Variants in FCHO1 observed in about 807,000 individuals in gnomAD.
FCHO1 encodes the protein FCH and mu domain containing endocytic adaptor 1.
Under a neutral mutation model 114.4 loss-of-function variants are expected in FCHO1, and 45 were observed. The ratio of observed to expected loss-of-function variants is 0.39; its 90% CI spans 0.31 to 0.50. The LOEUF (loss-of-function observed/expected upper bound fraction) is 0.50, where lower values mean the gene tolerates loss of function less well. Among genes scored for constraint, FCHO1 ranks in the 20% least tolerant of loss-of-function variants. FCHO1 has a pLI of 0.77. For missense variants in FCHO1, 1,042 were observed against 1,209.6 expected (o/e 0.86, Z 2.06); for synonymous variants, 480 against 488.9 (o/e 0.98, Z 0.24).
chr19:17,761,715 CA>C (rs1378578062), intron 4 of FCHO1, among the ~76,000 whole-genome samples: 2 of 151,420 alleles, frequency 1.3e-5, no homozygotes, highest in Admixed American at 6.6e-5. Flanking sequence ...AGCTGGAGTG[CA>C]ATGGCGTGAT....
intron 4 of FCHO1, among the ~76,000 whole-genome samples, chr19:17,758,497 C>T (rs1393478078): frequency 6.6e-6 from 1 of 152,140 alleles, no homozygotes; most frequent in Non-Finnish European, 1.5e-5. Flanking sequence ...GCAGCAATTC[C>T]AGGCCATGGA....
In FCHO1 at chr19:17,776,801, T is replaced by TTTTTTG. The variant is rs368642990; in HGVS notation, c.1259+132_1259+137dup. ...CTGGGAGTTGACGTCATGCTGGGGTTTTTTTGTTTTTGTTTTTGTTTTGAG... is the reference window on the plus strand; with the variant it reads ...CTGGGAGTTGACGTCATGCTGGGGTTTTTTTGTTTTTGTTTTTGTTTTTGTTTTGAG... On this transcript the variant is annotated intron_variant, in intron 18 of 28. Transcript: ENST00000596536. This position sits in a 1 kb window ranked among gnomAD's most constrained non-coding sequence, Gnocchi z 4.4. 13 of 1,026,974 alleles carry TTTTTTG rather than the reference T, an allele frequency of 1.3e-5. No individual in the cohort carries two copies. The highest frequency in any genetic ancestry group is 5.2e-5 in the Admixed American group (2 of 38,486). 63.6% of individuals were successfully genotyped at this position (1,026,974 alleles called of 1,614,324 possible). A position where few individuals can be genotyped will look rare whatever the true frequency, so the allele number is the denominator to read the frequency against.
intron 21 of FCHO1, 32 bp downstream of exon 21, chr19:17,781,375 G>A (rs1046031611): frequency 3.7e-6 from 6 of 1,607,700 alleles, no homozygotes; most frequent in Non-Finnish European, 5.1e-6. Flanking sequence ...GAGCTGGACT[G>A]GGGGTCGCGT....
intron 3 of FCHO1, 160 bp from the exon 4 acceptor site, chr19:17,754,958 A>C: frequency 3.2e-6 from 2 of 618,194 alleles, no homozygotes; most frequent in Non-Finnish European, 5.9e-6. Context: ...TGGGACCAGC[A>C]CTGGGGCTGA....
Position 17,781,505 on chromosome 19 carries a change from G to A in FCHO1, c.1794G>A (p.Leu598=), listed in dbSNP as rs767405117. The A allele has an allele frequency of 6.2e-7, 1 of 1,614,038 alleles. No homozygotes were observed. Among genetic ancestry groups the A allele is most frequent in the East Asian group, 2.2e-5 (1 of 44,870 alleles). The change falls in exon 22 of 29, where the codon TTG becomes TTA. Residue 598 remains leucine (L), a synonymous_variant. Coordinates refer to ENST00000596536, the MANE Select transcript of FCHO1 (RefSeq NM_015122.3). ...GCTCTTCAGCCGCCAGCACTGCCTT[G>A]GAACGGCCCAGCTTCTTATCCCAGA... ...PLGSSAASTA[L]ERPSFLSQTG... is the part of the protein sequence containing the mutation.
At chr19:17,778,926 G>C in intron 20 of FCHO1, 42 bp downstream of exon 20, 1 of 1,486,788 alleles carries the variant, frequency 6.7e-7, no homozygotes, top group Non-Finnish European at 8.9e-7. Context: ...CTGGAACCCT[G>C]GGCGGGGGAT....
At chr19:17,754,509 T>C in intron 2 of FCHO1, 83 bp from the exon 3 acceptor site, 1 of 154,328 alleles carries the variant, frequency 6.5e-6, no homozygotes, top group Non-Finnish European at 1.4e-5. Flanking sequence ...CAGGGGACCC[T>C]CAGGGATACT....
upstream of FCHO1, among the ~76,000 whole-genome samples, chr19:17,749,007 G>T (rs1057249510): frequency 4.1e-4 from 62 of 152,172 alleles, 1 homozygote; most frequent in African/African-American, 1.4e-3. Flanking sequence ...TGATATTGGG[G>T]CTGAGGGCAT....
At chr19:17,760,733 T>G (rs1401238037) in intron 4 of FCHO1, among the ~76,000 whole-genome samples, 1 of 152,124 alleles carries the variant, frequency 6.6e-6, no homozygotes, top group Non-Finnish European at 1.5e-5. Context: ...CATTGTAACC[T>G]CCGCCTCCCG....
At position 17,784,044 on chromosome 19, in the gene FCHO1, C is replaced by T; in HGVS notation, c.2094-59C>T. On this transcript the variant is annotated intron_variant, in intron 24 of 28. Coordinates refer to ENST00000596536, the MANE Select transcript of FCHO1 (RefSeq NM_015122.3). This position sits in a 1 kb window ranked among gnomAD's most constrained non-coding sequence, Gnocchi z 5.3. ...TCTTTAGGAAGGGGTAGATTGAATG[C>T]TGGGAGCCCTGGGAGGGCATGTCCC... 1.9e-6 allele frequency: 3 copies of T among 1,572,530 alleles called. No individual in the cohort carries two copies. The highest frequency in any genetic ancestry group is 2.6e-6 in the Non-Finnish European group (3 of 1,152,012).
At position 17,776,444 on chromosome 19, in the gene FCHO1, G is replaced by C. The variant is rs1346336087; in HGVS notation, c.1207+173G>C. ...TTATGAAATTAAGTGAGAGCTGAAA[G>C]GGGTAGCTGGGGCCAGGAGAAGCTA... On this transcript the variant is annotated intron_variant, in intron 17 of 28. Transcript: ENST00000596536. The surrounding 1 kb of genome is among the most constrained non-coding windows in gnomAD (Gnocchi z 4.4). Among the ~76,000 whole-genome samples the C allele has an allele frequency of 6.6e-6, 1 of 152,212 alleles. No individual in the cohort carries two copies. Among genetic ancestry groups the C allele is most frequent in the Non-Finnish European group, 1.5e-5 (1 of 68,034 alleles).
At chr19:17,751,141 T>C (rs1195460857), upstream of FCHO1, among the ~76,000 whole-genome samples, 2 of 152,168 alleles carry the variant, frequency 1.3e-5, no homozygotes, top group Non-Finnish European at 2.9e-5. The surrounding 1 kb of genome is among the most constrained non-coding windows in gnomAD (Gnocchi z 4.4). Context: ...CGCCTGGCCA[T>C]GTCTTCCCCT....
chr19:17,766,908 C>T, intron 7 of FCHO1, 98 bp downstream of exon 7: 1 of 1,275,424 alleles, frequency 7.8e-7, no homozygotes. Flanking sequence ...CTGCGGATGT[C>T]CGCCTCCGAG....
At chr19:17,779,073 G>T (rs2093034014) in intron 20 of FCHO1, among the ~76,000 whole-genome samples, 189 bp downstream of exon 20, 1 of 152,198 alleles carries the variant, frequency 6.6e-6, no homozygotes, top group Admixed American at 6.5e-5. Context: ...GTGCCAGGTG[G>T]GGGCCCTCCC....
chr19:17,757,344 G>C (rs1175334613), intron 4 of FCHO1, among the ~76,000 whole-genome samples: 7 of 152,174 alleles, frequency 4.6e-5, no homozygotes, highest in African/African-American at 1.7e-4. Context: ...GGGTTTGCCA[G>C]GTCTGGGAAA....
At chr19:17,773,484 A>G (rs1233381722) in intron 11 of FCHO1, among the ~76,000 whole-genome samples, 1 of 152,052 alleles carries the variant, frequency 6.6e-6, no homozygotes, top group Non-Finnish European at 1.5e-5. Context: ...CCCTCCCTGC[A>G]TGGGGCCCCA....
chr19:17,765,794 G>A (rs960672013), intron 6 of FCHO1, among the ~76,000 whole-genome samples: 2 of 151,988 alleles, frequency 1.3e-5, no homozygotes, highest in African/African-American at 4.8e-5. Context: ...GGCAGCAGGA[G>A]GAGAAGGTGG....
chr19:17,775,534 G>A lies in FCHO1; in HGVS notation c.1003+21G>A, dbSNP rs767400192. On this transcript the variant is annotated intron_variant, in intron 15 of 28. Transcript: ENST00000596536. This position sits in a 1 kb window ranked among gnomAD's most constrained non-coding sequence, Gnocchi z 5.1. ...GAACAATATCCTTCTGGCACCCCCT[G>A]GGGGCAGTTGTTGGCACAGCAAGGA... 2 of 1,612,090 alleles carry A rather than the reference G, an allele frequency of 1.2e-6. No individual in the cohort carries two copies. Among genetic ancestry groups the A allele is most frequent in the Non-Finnish European group, 1.7e-6 (2 of 1,178,396 alleles).
At chr19:17,757,547 A>G (rs951961854) in intron 4 of FCHO1, among the ~76,000 whole-genome samples, 1 of 152,210 alleles carries the variant, frequency 6.6e-6, no homozygotes, top group Admixed American at 6.5e-5. Flanking sequence ...AGACGAAGTC[A>G]CCAACCCAAA....
Sources: gnomAD v4.1 joint callset for allele counts (sites outside exome capture counted in the v4.1 genomes callset) on GRCh38, gnomAD v4.1.1 for gene constraint, Gnocchi (gnomAD v3.1) non-coding constraint, MANE v1.5 for transcripts, NCBI Gene and HGNC (gene_info 2026-07-23, HGNC 2026-07-21) for gene names.